TMOD1: variants seen among roughly 807,000 people sequenced by gnomAD.
The protein encoded by TMOD1 is tropomodulin 1.
In TMOD1, 17 loss-of-function variants were observed where a neutral mutation model predicts 40.6. That is an observed-to-expected ratio of 0.42 (90% CI 0.29 to 0.63). The LOEUF is 0.63. TMOD1 is among the 20% of genes least tolerant of loss of function. The pLI, the probability that TMOD1 is intolerant of heterozygous loss-of-function variation, is 0.22. For missense variants in TMOD1, 391 were observed against 447.6 expected, an observed-to-expected ratio of 0.87 and a Z score of 1.14; for synonymous variants, 181 against 175.0, an observed-to-expected ratio of 1.03 and a Z score of -0.27.
chr9:97,576,945 G>C (rs1055187650), intron 8 of TMOD1, among the ~76,000 whole-genome samples: 1 of 152,060 alleles, frequency 6.6e-6, no homozygotes, highest in African/African-American at 2.4e-5. Flanking sequence ...GGCCCATGGT[G>C]GTTACTTCTA....
Position 97,501,740 on chromosome 9 carries a change from C to A in TMOD1, c.-112C>A. On this transcript the variant is annotated 5_prime_UTR_variant, in exon 1 of 10. It adds an upstream start codon to the 5' untranslated region. Coordinates refer to ENST00000259365, the MANE Select transcript of TMOD1 (RefSeq NM_003275.4). ...CACCGCGGCCTCCGCCCGCGTCCAT[C>A]TGCCCGCCGCCCGCGCCTGTTCCGC... is the stretch of plus-strand genomic sequence containing the variant. The A allele has an allele frequency of 6.6e-6, 1 of 152,142 alleles. No individual in the cohort carries two copies. Among genetic ancestry groups the A allele is most frequent in the Non-Finnish European group, 1.5e-5 (1 of 68,278 alleles). 9.4% of individuals were successfully genotyped at this position (152,142 alleles called of 1,614,324 possible).
intron 2 of TMOD1, among the ~76,000 whole-genome samples, chr9:97,533,419 A>G (rs1830133224): frequency 6.6e-6 from 1 of 152,260 alleles, no homozygotes; most frequent in African/African-American, 2.4e-5. Context: ...ATGGCCACAG[A>G]TACAGTGCAG....
At chr9:97,577,480 T>C (rs908864282) in intron 8 of TMOD1, among the ~76,000 whole-genome samples, 3 of 152,196 alleles carry the variant, frequency 2.0e-5, no homozygotes, top group Non-Finnish European at 4.4e-5. Flanking sequence ...GCTTCAATTT[T>C]TTTTGCCTAT....
intron 2 of TMOD1, among the ~76,000 whole-genome samples, chr9:97,534,050 A>G (rs576278226): frequency 6.6e-6 from 1 of 152,346 alleles, no homozygotes; most frequent in South Asian, 2.1e-4. Flanking sequence ...GGATAAAAGA[A>G]AGGAGAAAAG....
At chr9:97,505,311 G>A (rs1829574288) in intron 1 of TMOD1, among the ~76,000 whole-genome samples, 1 of 152,132 alleles carries the variant, frequency 6.6e-6, no homozygotes, top group African/African-American at 2.4e-5. Context: ...GGGAGACAAG[G>A]GCTTGCGTCC....
chr9:97,531,708 A>G lies in TMOD1; in HGVS notation c.120+7400A>G, dbSNP rs562143244. 7.9e-5 allele frequency among the ~76,000 whole-genome samples: 12 copies of G among 152,318 alleles called. No homozygotes were observed. The South Asian group carries it at 1.0e-3, about 13-fold the overall frequency. On this transcript the variant is annotated intron_variant, in intron 2 of 9. Transcript: ENST00000259365. ...AGAGCTCCAAGGACACTTAGAAATCATCTAACAGTACCCCACCCCAGGCAT... is the reference window on the plus strand; with the variant it reads ...AGAGCTCCAAGGACACTTAGAAATCGTCTAACAGTACCCCACCCCAGGCAT...
chr9:97,584,988 C>G (rs1453958641), intron 8 of TMOD1, among the ~76,000 whole-genome samples: 2 of 152,144 alleles, frequency 1.3e-5, no homozygotes, highest in East Asian at 3.8e-4. Context: ...TTAATTAGAG[C>G]ATTTAGTCCA....
chr9:97,579,688 C>T (rs934776815), intron 8 of TMOD1, among the ~76,000 whole-genome samples: 3 of 152,172 alleles, frequency 2.0e-5, no homozygotes, highest in Non-Finnish European at 4.4e-5. Context: ...CAACATGTGG[C>T]TAGTAGCTAC....
chr9:97,525,082 A>G (rs1829989820), intron 2 of TMOD1, among the ~76,000 whole-genome samples: 1 of 150,252 alleles, frequency 6.7e-6, no homozygotes, highest in African/African-American at 2.5e-5. Flanking sequence ...TAATTTCCAA[A>G]TAAAGACAGT....
At chr9:97,506,362 C>G (rs1205694861) in intron 1 of TMOD1, among the ~76,000 whole-genome samples, 1 of 152,128 alleles carries the variant, frequency 6.6e-6, no homozygotes, top group African/African-American at 2.4e-5. Context: ...CAGCTCAGAG[C>G]TTAATGTGTG....
chr9:97,504,396 A>G (rs1829556441), intron 1 of TMOD1, among the ~76,000 whole-genome samples: 1 of 152,224 alleles, frequency 6.6e-6, no homozygotes, highest in South Asian at 2.1e-4. Context: ...AAAGGAAGGG[A>G]GAGGGAAGGT....
chr9:97,578,937 T>G (rs1033520827), intron 8 of TMOD1, among the ~76,000 whole-genome samples: 2 of 151,472 alleles, frequency 1.3e-5, no homozygotes, highest in Non-Finnish European at 2.9e-5. Flanking sequence ...CTGGGGAGGG[T>G]GGGTGGAGGA....
At chr9:97,535,421 G>A (rs1357530735) in intron 2 of TMOD1, among the ~76,000 whole-genome samples, 3 of 152,070 alleles carry the variant, frequency 2.0e-5, no homozygotes, top group Non-Finnish European at 2.9e-5. Flanking sequence ...CTCTCCCTGC[G>A]ATGCCCCTGC....
At chr9:97,525,665 C>T (rs1291989706) in intron 2 of TMOD1, among the ~76,000 whole-genome samples, 1 of 152,238 alleles carries the variant, frequency 6.6e-6, no homozygotes, top group Non-Finnish European at 1.5e-5. Context: ...GCCCTAAGGG[C>T]TCTCCTGTAT....
intron 1 of TMOD1, among the ~76,000 whole-genome samples, chr9:97,515,924 G>A (rs1297257101): frequency 1.3e-5 from 2 of 152,062 alleles, no homozygotes; most frequent in Non-Finnish European, 2.9e-5. Context: ...ATTTTTATGC[G>A]CTGCAAAGGT....
At chr9:97,569,176 C>A in intron 8 of TMOD1, 139 bp downstream of exon 8, 1 of 1,043,324 alleles carries the variant, frequency 9.6e-7, no homozygotes, top group Non-Finnish European at 1.4e-6. Flanking sequence ...TCCAAGGTCC[C>A]TAAAGTTCAC....
chr9:97,538,885 A>G (rs1378183108), intron 2 of TMOD1, among the ~76,000 whole-genome samples: 1 of 151,958 alleles, frequency 6.6e-6, no homozygotes, highest in Non-Finnish European at 1.5e-5. Context: ...TGCACCTGTA[A>G]TCCCAGCTAC....
intron 1 of TMOD1, among the ~76,000 whole-genome samples, chr9:97,503,680 C>T (rs1019354922): frequency 1.3e-5 from 2 of 152,192 alleles, no homozygotes; most frequent in African/African-American, 4.8e-5. Flanking sequence ...CTTCTCCCTC[C>T]TTCAGGGTAG....
intron 2 of TMOD1, among the ~76,000 whole-genome samples, chr9:97,539,903 C>T (rs532098151): frequency 1.5e-5 from 2 of 134,396 alleles, no homozygotes; most frequent in East Asian, 2.3e-4. Context: ...AGGTGGGGAG[C>T]GGAGCTTGCA....
Sources: gnomAD v4.1 joint callset for allele counts (sites outside exome capture counted in the v4.1 genomes callset) on GRCh38, gnomAD v4.1.1 for gene constraint, MANE v1.5 for transcripts, NCBI Gene and HGNC (gene_info 2026-07-23, HGNC 2026-07-21) for gene names.